Variants in RAPGEFL1 observed in about 807,000 individuals in gnomAD.
RAPGEFL1 encodes the protein Rap guanine nucleotide exchange factor like 1, also known as rap guanine nucleotide exchange factor-like 1.
RAPGEFL1 carries 31 observed loss-of-function variants against 64.4 expected under a neutral mutation model. The ratio of observed to expected loss-of-function variants is 0.48; its 90% CI spans 0.36 to 0.65. RAPGEFL1 has a LOEUF of 0.65. RAPGEFL1 is among the 30% of genes least tolerant of loss of function. The pLI, the probability that RAPGEFL1 is intolerant of heterozygous loss-of-function variation, is 0.00. For missense variants in RAPGEFL1, 682 were observed against 677.4 expected (o/e 1.01, Z -0.08); for synonymous variants, 331 against 274.1 (o/e 1.21, Z -2.05).
At position 40,185,226 on chromosome 17, in the gene RAPGEFL1, A is replaced by G. The variant is rs1297586686; in HGVS notation, c.833+548A>G. Among the ~76,000 whole-genome samples, 5 of 152,220 alleles carry G rather than the reference A, an allele frequency of 3.3e-5. No homozygotes were observed. In the South Asian group the frequency reaches 1.0e-3, roughly 32 times the overall value. On this transcript the variant is annotated intron_variant, in intron 4 of 14. Transcript: ENST00000620260. ...TTTAACAACCAGTGCTGCAGGAGAA[A>G]GAGCCCTGATTTGTAGCTTTTGCTG...
intron 4 of RAPGEFL1, among the ~76,000 whole-genome samples, chr17:40,186,156 C>A (rs1175850872): frequency 2.0e-5 from 3 of 151,680 alleles, no homozygotes; most frequent in Non-Finnish European, 4.4e-5. Context: ...TGCCTGTAAT[C>A]CCAGCTACTC....
chr17:40,191,518 G>A lies in RAPGEFL1; in HGVS notation c.1514+24G>A, dbSNP rs774609858. ...CTGTGAGTGCGGCCGTCGGCGGGAT[G>A]GGGGGCCGGAGGCCGGAGGCCCGCG... On this transcript the variant is annotated intron_variant, in intron 9 of 14. Coordinates refer to ENST00000620260, the MANE Select transcript of RAPGEFL1 (RefSeq NM_016339.6). The surrounding 1 kb of genome is among the most constrained non-coding windows in gnomAD (Gnocchi z 5.1). The A allele has an allele frequency of 1.9e-6, 3 of 1,584,342 alleles. No individual in the cohort carries two copies. Among genetic ancestry groups the A allele is most frequent in the Admixed American group, 1.8e-5 (1 of 55,240 alleles).
chr17:40,191,169 C>A lies in RAPGEFL1; in HGVS notation c.1336-147C>A, dbSNP rs1168151697. The stretch of plus-strand genomic sequence containing the variant: ...GTTTTCTTTTTCCGCATCTTTGCCG[C>A]CTCCTGTCCTTTCTATTTTTCTATT... On this transcript the variant is annotated intron_variant, in intron 8 of 14. Transcript: ENST00000620260. This position sits in a 1 kb window ranked among gnomAD's most constrained non-coding sequence, Gnocchi z 5.1. 41 of 711,470 alleles carry A rather than the reference C, an allele frequency of 5.8e-5. No individual in the cohort carries two copies. The highest frequency in any genetic ancestry group is 8.2e-5 in the Non-Finnish European group (37 of 449,082). The allele number at this position is 711,470 out of a possible 1,614,324, so 44.1% of individuals were successfully genotyped here. A position where few individuals can be genotyped will look rare whatever the true frequency, so the allele number is the denominator to read the frequency against.
In RAPGEFL1 at chr17:40,193,961, T is replaced by TC; in HGVS notation, c.*177dup. 1.2e-6 allele frequency: 1 copy of TC among 847,394 alleles called. No homozygotes were observed. Among genetic ancestry groups the TC allele is most frequent in the Non-Finnish European group, 1.8e-6 (1 of 566,364 alleles). The allele number at this position is 847,394 out of a possible 1,614,324, so 52.5% of individuals were successfully genotyped here. A position where few individuals can be genotyped will look rare whatever the true frequency, so the allele number is the denominator to read the frequency against. The stretch of plus-strand genomic sequence containing the variant: ...CATAAGTCTGTTCATCCTGCTGAAG[T>TC]CCCCTCCCCATTGCTCCTTCAAGCC... On this transcript the variant is annotated 3_prime_UTR_variant, in exon 15 of 15. Transcript: ENST00000620260.
chr17:40,186,989 G>T (rs1990100475), intron 4 of RAPGEFL1, among the ~76,000 whole-genome samples: 1 of 151,074 alleles, frequency 6.6e-6, no homozygotes, highest in African/African-American at 2.4e-5. Flanking sequence ...TTATTAATTT[G>T]TATTATTATT....
At position 40,177,945 on chromosome 17, in the gene RAPGEFL1, G is replaced by C; in HGVS notation, c.84G>C (p.Leu28=). The C allele has an allele frequency of 2.2e-6, 1 of 452,450 alleles. No individual in the cohort carries two copies. The highest frequency in any genetic ancestry group is 3.9e-5 in the South Asian group (1 of 25,774). 28.0% of individuals were successfully genotyped at this position (452,450 alleles called of 1,614,324 possible). A position where few individuals can be genotyped will look rare whatever the true frequency, so the allele number is the denominator to read the frequency against. ...RTVAGGPGGG[L]GSCGGPGGGG... ...TGGCGGGAGGTCCCGGCGGGGGTCTGGGGAGCTGCGGTGGGCCTGGAGGGG... is the reference window on the plus strand; with the variant it reads ...TGGCGGGAGGTCCCGGCGGGGGTCTCGGGAGCTGCGGTGGGCCTGGAGGGG... Residue 28 remains leucine (L), a synonymous_variant, in exon 1 of 15, where the codon CTG becomes CTC. Transcript: ENST00000620260.
rs1017345005 is a variant in RAPGEFL1, at chr17:40,189,486, G to A, written c.1114+111G>A. On this transcript the variant is annotated intron_variant, in intron 6 of 14. Transcript: ENST00000620260. ...CTAGGCCCTTGCTACTCAAAGTATG[G>A]TCCCGGGACAAGCCTCATGTGCATC... 9 of 1,243,914 alleles carry A rather than the reference G, an allele frequency of 7.2e-6. No homozygotes were observed. In the Admixed American group the frequency reaches 1.1e-4, roughly 15 times the overall value. The allele number at this position is 1,243,914 out of a possible 1,614,324, so 77.1% of individuals were successfully genotyped here.
chr17:40,190,951 C>T, intron 8 of RAPGEFL1, 189 bp downstream of exon 8: 1 of 802,520 alleles, frequency 1.2e-6, no homozygotes, highest in Non-Finnish European at 1.9e-6. Flanking sequence ...AGCACAGTGG[C>T]TCAGGGCCCA....
Position 40,191,539 on chromosome 17 carries a change from C to T in RAPGEFL1, c.1515-43C>T, listed in dbSNP as rs926633647. 6.4e-7 allele frequency: 1 copy of T among 1,557,864 alleles called. No individual in the cohort carries two copies. The highest frequency in any genetic ancestry group is 8.7e-7 in the Non-Finnish European group (1 of 1,153,816). ...GGATGGGGGGCCGGAGGCCGGAGGC[C>T]CGCGCCGCCGCCCGCCCCTGACCCC... On this transcript the variant is annotated intron_variant, in intron 9 of 14. Transcript: ENST00000620260. This position sits in a 1 kb window ranked among gnomAD's most constrained non-coding sequence, Gnocchi z 5.1.
At chr17:40,182,257 T>C (rs1989917487) in intron 2 of RAPGEFL1, among the ~76,000 whole-genome samples, 3 of 152,182 alleles carry the variant, frequency 2.0e-5, no homozygotes, top group Non-Finnish European at 2.9e-5. Flanking sequence ...ATCAGTCTGA[T>C]AGCAGATGTG....
Position 40,191,639 on chromosome 17 carries a change from C to T in RAPGEFL1, c.1572C>T (p.Asn524=). The T allele has an allele frequency of 1.2e-6, 2 of 1,612,940 alleles. No individual in the cohort carries two copies. Among genetic ancestry groups the T allele is most frequent in the Non-Finnish European group, 1.7e-6 (2 of 1,179,540 alleles). The change falls in exon 10 of 15, where the codon AAC becomes AAT. Residue 524 remains asparagine (N), a synonymous_variant. Coordinates refer to ENST00000620260, the MANE Select transcript of RAPGEFL1 (RefSeq NM_016339.6). The surrounding 1 kb of genome is among the most constrained non-coding windows in gnomAD (Gnocchi z 5.1). ...SFYAVVMGLD[N]AAVSRLRLTW... ...ACGCCGTGGTCATGGGGCTGGACAA[C>T]GCCGCTGTCAGCCGCCTTCGACTCA...
In RAPGEFL1 at chr17:40,190,714, C is replaced by T. The variant is rs1471506806; in HGVS notation, c.1287C>T (p.Ala429=). 1 of 1,614,184 alleles carries T rather than the reference C, an allele frequency of 6.2e-7. No homozygotes were observed. The highest frequency in any genetic ancestry group is 1.1e-5 in the South Asian group (1 of 91,082). The part of the protein sequence containing the change: ...EIHRVEPEDV[A]NHLTAFHWEL... ...ACCGAGTGGAGCCTGAGGACGTTGC[C>T]AACCACCTAACTGCCTTCCACTGGG... The change falls in exon 8 of 15, where the codon GCC becomes GCT. Residue 429 remains alanine (A), a synonymous_variant. Coordinates refer to ENST00000620260, the MANE Select transcript of RAPGEFL1 (RefSeq NM_016339.6).
At position 40,191,170 on chromosome 17, in the gene RAPGEFL1, C is replaced by T; in HGVS notation, c.1336-146C>T. The T allele has an allele frequency of 1.4e-6, 1 of 724,498 alleles. No homozygotes were observed. Among genetic ancestry groups the T allele is most frequent in the South Asian group, 1.9e-5 (1 of 52,132 alleles). 44.9% of individuals were successfully genotyped at this position (724,498 alleles called of 1,614,324 possible). On this transcript the variant is annotated intron_variant, in intron 8 of 14. Coordinates refer to ENST00000620260, the MANE Select transcript of RAPGEFL1 (RefSeq NM_016339.6). This position sits in a 1 kb window ranked among gnomAD's most constrained non-coding sequence, Gnocchi z 5.1. ...TTTTCTTTTTCCGCATCTTTGCCGC[C>T]TCCTGTCCTTTCTATTTTTCTATTT... is the stretch of plus-strand genomic sequence containing the variant.
Position 40,190,543 on chromosome 17 carries a change from C to G in RAPGEFL1, c.1212+12C>G, listed in dbSNP as rs1768707260. ...GCTATGAGGCTCTGGTAAGAACTTCCCAAGGCCTTGACTGGAATGGAGGGC... is the reference window on the plus strand; with the variant it reads ...GCTATGAGGCTCTGGTAAGAACTTCGCAAGGCCTTGACTGGAATGGAGGGC... On this transcript the variant is annotated intron_variant, in intron 7 of 14. Coordinates refer to ENST00000620260, the MANE Select transcript of RAPGEFL1 (RefSeq NM_016339.6). 6.2e-7 allele frequency: 1 copy of G among 1,614,024 alleles called. No individual in the cohort carries two copies. The highest frequency in any genetic ancestry group is 1.3e-5 in the African/African-American group (1 of 74,916).
At chr17:40,189,083 GC>G in intron 5 of RAPGEFL1, 105 bp downstream of exon 5, 2 of 1,459,302 alleles carry the variant, frequency 1.4e-6, no homozygotes, top group Non-Finnish European at 1.9e-6. Flanking sequence ...GGTAGAACCA[GC>G]CCCTTTCACA....
intron 1 of RAPGEFL1, among the ~76,000 whole-genome samples, chr17:40,180,392 C>T (rs941337158): frequency 1.3e-5 from 2 of 152,064 alleles, no homozygotes; most frequent in Non-Finnish European, 2.9e-5. Flanking sequence ...AATTCCAAAC[C>T]AGTCCCAGGT....
In RAPGEFL1 at chr17:40,190,664, G is replaced by A. The variant is rs1245647837; in HGVS notation, c.1237G>A (p.Val413Ile). The A allele has an allele frequency of 1.9e-6, 3 of 1,614,150 alleles. No individual in the cohort carries two copies. Among genetic ancestry groups the A allele is most frequent in the Middle Eastern group, 1.6e-4 (1 of 6,062 alleles). The change falls in exon 8 of 15, where the codon GTC becomes ATC. Residue 413 changes from valine (V) to isoleucine (I), a missense_variant. By Grantham distance (29) the Val-to-Ile change is conservative. Transcript: ENST00000620260. ...ALVPLPEEIQ[V>I]SPGDTEIHRV... ...GGTGCCCCTCCCCGAGGAGATCCAGGTCTCCCCTGGAGACACAGAGATCCA... is the reference window on the plus strand; with the variant it reads ...GGTGCCCCTCCCCGAGGAGATCCAGATCTCCCCTGGAGACACAGAGATCCA...
chr17:40,179,310 C>T (rs1338219313), intron 1 of RAPGEFL1, among the ~76,000 whole-genome samples: 1 of 152,204 alleles, frequency 6.6e-6, no homozygotes, highest in East Asian at 1.9e-4. Context: ...TCGTGATCCA[C>T]CTGCCTTGGC....
chr17:40,177,282 T>G, upstream of RAPGEFL1: 1 of 702,590 alleles, frequency 1.4e-6, no homozygotes, highest in South Asian at 1.5e-5. Context: ...TCCTTCCCCA[T>G]TGGTAAATCT....
Sources: allele counts gnomAD v4.1 joint callset (sites outside exome capture counted in the v4.1 genomes callset), GRCh38; gene constraint gnomAD v4.1.1; non-coding constraint Gnocchi (gnomAD v3.1); transcripts MANE v1.5; gene names NCBI Gene and HGNC (gene_info 2026-07-23, HGNC 2026-07-21).